Variants in YPEL2 observed in about 807,000 individuals in gnomAD.
YPEL2 encodes the protein protein yippee-like 2.
YPEL2 carries 2 observed loss-of-function variants against 19.1 expected under a neutral mutation model. That is an observed-to-expected ratio of 0.10 (90% CI 0.04 to 0.33). YPEL2 has a LOEUF of 0.33. Ranked by LOEUF, YPEL2 falls within the 10% of genes least tolerant of loss-of-function variation. YPEL2 has a pLI of 1.00. For synonymous variants in YPEL2, 52 were observed against 50.0 expected, an observed-to-expected ratio of 1.04 and a Z score of -0.17; for missense variants, 66 against 140.7, an observed-to-expected ratio of 0.47 and a Z score of 2.68.
chr17:59,383,849 A>G (rs775595446), intron 2 of YPEL2, among the ~76,000 whole-genome samples: 2 of 151,694 alleles, frequency 1.3e-5, no homozygotes, highest in Non-Finnish European at 1.5e-5. Context: ...CTGTATATCA[A>G]TAGTTTGTTC....
At position 59,370,312 on chromosome 17, in the gene YPEL2, C is replaced by T. The variant is rs144491455; in HGVS notation, c.117+16786C>T. On this transcript the variant is annotated intron_variant, in intron 2 of 4. Transcript: ENST00000312655. ...TCTCCTGACCTCGTGATCCGCCCGC[C>T]TCGGCCTCCCAAAGTGCTGGGATTA... 8.5e-3 allele frequency among the ~76,000 whole-genome samples: 1,289 copies of T among 152,324 alleles called. 30 individuals are homozygous for T. The highest frequency in any genetic ancestry group is 0.029 in the African/African-American group (1,216 of 41,576).
At chr17:59,392,111 T>C (rs778605284) in intron 4 of YPEL2, among the ~76,000 whole-genome samples, 14 of 152,214 alleles carry the variant, frequency 9.2e-5, no homozygotes, top group Non-Finnish European at 1.8e-4. Context: ...TCTTCATTGC[T>C]TCTTGGCCTT....
intron 1 of YPEL2, chr17:59,345,236 A>G (rs2047750254): frequency 6.6e-6 from 1 of 152,216 alleles, no homozygotes; most frequent in Non-Finnish European, 1.5e-5. Flanking sequence ...TAGGATTATC[A>G]TCTGACGTAT....
intron 1 of YPEL2, among the ~76,000 whole-genome samples, chr17:59,335,489 C>A (rs891552109): frequency 2.6e-5 from 4 of 151,892 alleles, no homozygotes; most frequent in Admixed American, 1.3e-4. Flanking sequence ...CTGAAACATG[C>A]CATACTTAGG....
intron 2 of YPEL2, among the ~76,000 whole-genome samples, chr17:59,384,956 G>C (rs1467706232): frequency 2.6e-5 from 4 of 152,182 alleles, no homozygotes; most frequent in Non-Finnish European, 5.9e-5. Context: ...CTTCTTCTAA[G>C]CTCCGAACTT....
chr17:59,367,009 C>T (rs1005983211), intron 2 of YPEL2, among the ~76,000 whole-genome samples: 5 of 152,126 alleles, frequency 3.3e-5, no homozygotes, highest in African/African-American at 1.2e-4. Flanking sequence ...AAAGGAAAGC[C>T]AATAAGATAA....
chr17:59,361,164 G>C (rs966137235), intron 2 of YPEL2, among the ~76,000 whole-genome samples: 1 of 152,188 alleles, frequency 6.6e-6, no homozygotes, highest in Non-Finnish European at 1.5e-5. Context: ...TTGGTCCACA[G>C]TGGGACCATT....
intron 4 of YPEL2, among the ~76,000 whole-genome samples, chr17:59,395,931 T>A (rs1275041248): frequency 1.3e-5 from 2 of 151,826 alleles, no homozygotes; most frequent in Non-Finnish European, 2.9e-5. Context: ...ACAAAAAAAA[T>A]TTAGCTGGGC....
chr17:59,377,675 G>A (rs888074605), intron 2 of YPEL2, among the ~76,000 whole-genome samples: 21 of 152,196 alleles, frequency 1.4e-4, no homozygotes, highest in African/African-American at 4.6e-4. Context: ...GGTTTATCCT[G>A]CTCCTGGTTC....
At chr17:59,332,250 G>A (rs958458473) in intron 1 of YPEL2, among the ~76,000 whole-genome samples, 1 of 152,128 alleles carries the variant, frequency 6.6e-6, no homozygotes, top group African/African-American at 2.4e-5. Context: ...CCGTCCTCTC[G>A]TGACGCCGCG....
intron 2 of YPEL2, among the ~76,000 whole-genome samples, chr17:59,359,078 C>T (rs2047827772): frequency 6.6e-6 from 1 of 151,986 alleles, no homozygotes; most frequent in Non-Finnish European, 1.5e-5. Context: ...TGCACATAAC[C>T]ACACCTGGCT....
chr17:59,386,984 G>A (rs2047983285), intron 2 of YPEL2, among the ~76,000 whole-genome samples: 1 of 152,096 alleles, frequency 6.6e-6, no homozygotes, highest in African/African-American at 2.4e-5. Flanking sequence ...TTGTTGGCTG[G>A]GTGTGGTGGC....
intron 1 of YPEL2, among the ~76,000 whole-genome samples, chr17:59,337,252 A>G (rs909652329): frequency 6.0e-5 from 9 of 150,180 alleles, no homozygotes; most frequent in Admixed American, 2.7e-4. Flanking sequence ...CAGTGGTGCA[A>G]TCTCGGCTCA....
chr17:59,397,058 CT>C, intron 4 of YPEL2, 42 bp from the exon 5 acceptor site: 1 of 1,491,558 alleles, frequency 6.7e-7, no homozygotes, highest in Non-Finnish European at 9.2e-7. Context: ...ATTTTCTTGT[CT>C]TTGGTCGTTC....
chr17:59,387,928 G>C lies in YPEL2; in HGVS notation c.118-399G>C, dbSNP rs145648445. On this transcript the variant is annotated intron_variant, in intron 2 of 4. Transcript: ENST00000312655. ...CGAAGGAGCTTGTGGTGGTTTCCAT[G>C]CCTGGGCCAGCCTGGGAAAGCTGTG... Among the ~76,000 whole-genome samples the C allele has an allele frequency of 3.7e-4, 57 of 152,352 alleles. No individual in the cohort carries two copies. In the East Asian group the frequency reaches 0.011, roughly 29 times the overall value.
chr17:59,375,755 G>A (rs1015595506), intron 2 of YPEL2, among the ~76,000 whole-genome samples: 7 of 152,180 alleles, frequency 4.6e-5, no homozygotes, highest in Admixed American at 1.3e-4. Context: ...CCACTTGAGC[G>A]AGAGAATTAA....
intron 2 of YPEL2, among the ~76,000 whole-genome samples, chr17:59,364,364 A>C (rs116165842): frequency 2.0e-5 from 3 of 152,256 alleles, no homozygotes; most frequent in African/African-American, 7.2e-5. Flanking sequence ...TGACAGTGTC[A>C]AGCGCTGTGA....
rs1212412193 is a variant in YPEL2, at chr17:59,380,771, A to G, written c.118-7556A>G. 2.0e-5 allele frequency among the ~76,000 whole-genome samples: 3 copies of G among 152,330 alleles called. No homozygotes were observed. The South Asian group carries it at 6.2e-4, about 32-fold the overall frequency. ...CAGTTAACACTGTGTATGAGTGGTAAATTGGGGAAGCAAGTGCCAGGTGCT... is the reference window on the plus strand; with the variant it reads ...CAGTTAACACTGTGTATGAGTGGTAGATTGGGGAAGCAAGTGCCAGGTGCT... On this transcript the variant is annotated intron_variant, in intron 2 of 4. Transcript: ENST00000312655.
intron 2 of YPEL2, among the ~76,000 whole-genome samples, chr17:59,386,960 A>G (rs971599130): frequency 1.1e-4 from 17 of 152,104 alleles, no homozygotes; most frequent in African/African-American, 4.1e-4. Flanking sequence ...CAGTTTTTCC[A>G]CAAGTAAAGA....
Sources: allele counts gnomAD v4.1 joint callset (sites outside exome capture counted in the v4.1 genomes callset), GRCh38; gene constraint gnomAD v4.1.1; transcripts MANE v1.5; gene names NCBI Gene and HGNC (gene_info 2026-07-23, HGNC 2026-07-21).